TXNRD2: variants seen among roughly 807,000 people sequenced by gnomAD.
TXNRD2 encodes thioredoxin reductase 2, mitochondrial.
In TXNRD2, 67 loss-of-function variants were observed where a neutral mutation model predicts 70.8. The ratio of observed to expected loss-of-function variants is 0.95; its 90% CI spans 0.78 to 1.16. The LOEUF (loss-of-function observed/expected upper bound fraction) is 1.16. Ranked by LOEUF, TXNRD2 falls within the 50% of genes most tolerant of loss-of-function variation. The pLI is 0.00. For missense variants in TXNRD2, 644 were observed against 719.9 expected (o/e 0.89, Z 1.21); for synonymous variants, 301 against 295.8 (o/e 1.02, Z -0.18).
chr22:19,881,105 G>C (rs900247692), intron 12 of TXNRD2: 2 of 461,880 alleles, frequency 4.3e-6, no homozygotes, highest in African/African-American at 3.9e-5. Flanking sequence ...GGAATCCCCG[G>C]CTAAAAAGGG....
chr22:19,941,741 G>A lies in TXNRD2; in HGVS notation c.63C>T (p.Ala21=), dbSNP rs562298402. The change falls in exon 1 of 18, where the codon GCC becomes GCT. Residue 21 remains alanine, a synonymous_variant. Transcript: ENST00000400521. The part of the protein sequence containing the change: ...LGGRFRWRTQ[A]VAGGVRGAAR... ...CCGCGCCCCGCACCCCGCCCGCCAC[G>A]GCCTGCGTCCGCCACCGGAAGCGCC... 7.2e-5 allele frequency: 107 copies of A among 1,495,518 alleles called. No homozygotes were observed. In the African/African-American group the frequency reaches 1.4e-3, roughly 20 times the overall value. 92.6% of individuals were successfully genotyped at this position (1,495,518 alleles called of 1,614,324 possible).
rs553337931 is a variant in TXNRD2 at position 19,915,796 on chromosome 22, G to A, written c.497C>T (p.Thr166Met). ...CCCACCTTTGGCAACGCCGCAAACC[G>A]TGTGCTCGTCAACAAAGCTGGCTTT... ...NIKASFVDEH[T>M]VCGVAKGGKE... Residue 166 changes from threonine to methionine, a missense_variant, in exon 6 of 18, where the codon ACG (threonine) becomes ATG (methionine). Coordinates refer to ENST00000400521, the MANE Select transcript of TXNRD2 (RefSeq NM_006440.5). 5.0e-6 allele frequency: 8 copies of A among 1,614,190 alleles called. No homozygotes were observed. In the African/African-American group the frequency reaches 5.3e-5, roughly 11 times the overall value.
At chr22:19,917,042 C>T (rs1940669532) in intron 5 of TXNRD2, among the ~76,000 whole-genome samples, 1 of 152,252 alleles carries the variant, frequency 6.6e-6, no homozygotes, top group African/African-American at 2.4e-5. Context: ...GAAGTTCCTA[C>T]AGCAAGAGCC....
chr22:19,891,070 A>G (rs1939243724), intron 11 of TXNRD2, among the ~76,000 whole-genome samples: 1 of 152,226 alleles, frequency 6.6e-6, no homozygotes, highest in South Asian at 2.1e-4. Flanking sequence ...CCAAGCTCCC[A>G]TGCTCCATGC....
At chr22:19,911,551 A>G in intron 7 of TXNRD2, 104 bp from the exon 8 acceptor site, 1 of 873,168 alleles carries the variant, frequency 1.1e-6, no homozygotes, top group Admixed American at 1.9e-5. Flanking sequence ...GAGCTTTCCC[A>G]GGGCACACAT....
chr22:19,940,538 C>T (rs1246100547), intron 1 of TXNRD2, among the ~76,000 whole-genome samples: 3 of 152,128 alleles, frequency 2.0e-5, no homozygotes, highest in Non-Finnish European at 2.9e-5. Flanking sequence ...TGGCTATTGC[C>T]GTGTCTGGAC....
intron 8 of TXNRD2, among the ~76,000 whole-genome samples, chr22:19,907,018 G>A (rs1484356854): frequency 6.4e-5 from 5 of 77,638 alleles, no homozygotes; most frequent in South Asian, 6.6e-4. Context: ...GAGTGTGGGC[G>A]CACCGTAAGT....
chr22:19,896,230 G>A (rs1392459764), intron 10 of TXNRD2, among the ~76,000 whole-genome samples: 1 of 148,932 alleles, frequency 6.7e-6, no homozygotes, highest in Non-Finnish European at 1.5e-5. Flanking sequence ...CCCGGGAGGT[G>A]GAGCTTGCAG....
intron 8 of TXNRD2, among the ~76,000 whole-genome samples, chr22:19,906,953 G>C (rs1201529091): frequency 3.2e-5 from 3 of 93,462 alleles, no homozygotes; most frequent in African/African-American, 8.4e-5. Context: ...GTAAGTAGCA[G>C]TGACCGCTCT....
chr22:19,924,234 T>G (rs1378242050), intron 2 of TXNRD2, among the ~76,000 whole-genome samples: 1 of 152,006 alleles, frequency 6.6e-6, no homozygotes, highest in Non-Finnish European at 1.5e-5. Flanking sequence ...ATCTCTCTCT[T>G]TCTTCCACCA....
In TXNRD2 at chr22:19,883,377, G is replaced by A; in HGVS notation, c.1034C>T (p.Ser345Phe). The change falls in exon 12 of 18, where the codon TCC becomes TTC. Residue 345 changes from serine to phenylalanine, a missense_variant. Around this residue, in one of 3 missense-constraint regions of TXNRD2, gnomAD observed 566 missense variants for 645.0 expected, o/e 0.88. Transcript: ENST00000400521. ...SPDTQKILVD[S>F]REATSVPHIY... ...GTGGGGCACAGAGGTGGCTTCCCGGGAGTCCACCAGGATCTTCTGAGTGTC... is the reference window on the plus strand; with the variant it reads ...GTGGGGCACAGAGGTGGCTTCCCGGAAGTCCACCAGGATCTTCTGAGTGTC... The A allele has an allele frequency of 1.2e-6, 2 of 1,614,068 alleles. No individual in the cohort carries two copies. Among genetic ancestry groups the A allele is most frequent in the South Asian group, 2.2e-5 (2 of 91,088 alleles).
intron 5 of TXNRD2, among the ~76,000 whole-genome samples, 163 bp downstream of exon 5, chr22:19,917,980 T>C (rs1167415214): frequency 2.6e-5 from 4 of 152,112 alleles, no homozygotes; most frequent in East Asian, 3.9e-4. Context: ...TCCCCTACAG[T>C]CACTCCCATC....
Position 19,898,038 on chromosome 22 carries a change from C to T in TXNRD2, c.774+1G>A. Reference sequence around the variant, plus strand: ...GCGGGAGCTGGGGCCTCCAGCACTACCTGGTCGAAGCCGCGGAGGGGGATG... The same window carrying T: ...GCGGGAGCTGGGGCCTCCAGCACTATCTGGTCGAAGCCGCGGAGGGGGATG... On this transcript the variant is annotated splice_donor_variant, in intron 10 of 17. Transcript: ENST00000400521. LOFTEE classifies it high-confidence loss of function. 6.4e-7 allele frequency: 1 copy of T among 1,553,512 alleles called. No individual in the cohort carries two copies. The highest frequency in any genetic ancestry group is 2.4e-5 in the East Asian group (1 of 41,108).
intron 7 of TXNRD2, 74 bp from the exon 8 acceptor site, chr22:19,911,521 C>G: frequency 4.4e-6 from 5 of 1,146,282 alleles, no homozygotes; most frequent in Non-Finnish European, 6.6e-6. Flanking sequence ...AAGAGGATGC[C>G]AGCTTTGCAG....
chr22:19,898,033 C>T lies in TXNRD2; in HGVS notation c.774+6G>A, dbSNP rs1233207996. On this transcript the variant is annotated splice_donor_region_variant and intron_variant, in intron 10 of 17. Transcript: ENST00000400521. ...CAGGGGCGGGAGCTGGGGCCTCCAG[C>T]ACTACCTGGTCGAAGCCGCGGAGGG... is the stretch of plus-strand genomic sequence containing the variant. 8 of 1,552,008 alleles carry T rather than the reference C, an allele frequency of 5.2e-6. No homozygotes were observed. Among genetic ancestry groups the T allele is most frequent in the Non-Finnish European group, 7.0e-6 (8 of 1,148,614 alleles).
intron 8 of TXNRD2, among the ~76,000 whole-genome samples, chr22:19,906,434 G>A (rs145516553): frequency 1.2e-4 from 19 of 152,196 alleles, no homozygotes; most frequent in Non-Finnish European, 1.9e-4. Flanking sequence ...AGACTAGCCT[G>A]GGCCACATAG....
At chr22:19,902,588 T>TC (rs958666172) in intron 8 of TXNRD2, among the ~76,000 whole-genome samples, 1 of 152,126 alleles carries the variant, frequency 6.6e-6, no homozygotes, top group African/African-American at 2.4e-5. Context: ...AAGGCCTCCT[T>TC]CCCCGGCTTG....
At chr22:19,880,035 G>A in intron 14 of TXNRD2, 144 bp downstream of exon 14, 1 of 861,690 alleles carries the variant, frequency 1.2e-6, no homozygotes, top group South Asian at 1.4e-5. Context: ...CCCCCAACGT[G>A]TCCCTTCCCG....
intron 2 of TXNRD2, among the ~76,000 whole-genome samples, chr22:19,923,485 C>T (rs909852687): frequency 6.6e-6 from 1 of 152,134 alleles, no homozygotes; most frequent in East Asian, 1.9e-4. Flanking sequence ...AAACATCTGA[C>T]TTATAGAAGT....
Sources: allele counts gnomAD v4.1 joint callset (sites outside exome capture counted in the v4.1 genomes callset), GRCh38; gene constraint gnomAD v4.1.1; regional missense constraint gnomAD v4.1.1; transcripts MANE v1.5; gene names NCBI Gene and HGNC (gene_info 2026-07-23, HGNC 2026-07-21).